Variants in AKAP7 observed in about 807,000 individuals in gnomAD.
The protein encoded by AKAP7 is A-kinase anchoring protein 7.
In AKAP7, 39 loss-of-function variants were observed where a neutral mutation model predicts 39.5. The ratio of observed to expected loss-of-function variants is 0.99; its 90% CI spans 0.76 to 1.29. The LOEUF is 1.29. Ranked by LOEUF, AKAP7 falls within the 50% of genes most tolerant of loss-of-function variation. The pLI is 0.00. For missense variants in AKAP7, 414 were observed against 407.7 expected (o/e 1.02, Z -0.13); for synonymous variants, 140 against 139.1 (o/e 1.01, Z -0.05).
chr6:131,167,379 T>C (rs975353667), intron 4 of AKAP7, among the ~76,000 whole-genome samples: 2 of 152,152 alleles, frequency 1.3e-5, no homozygotes, highest in Non-Finnish European at 2.9e-5. Context: ...AATAACGACA[T>C]AGAATTCACT....
chr6:131,195,093 G>A (rs1806794679), intron 5 of AKAP7, among the ~76,000 whole-genome samples: 1 of 151,860 alleles, frequency 6.6e-6, no homozygotes, highest in Non-Finnish European at 1.5e-5. Flanking sequence ...TTTTCTGTTT[G>A]TTTTGTGGTC....
At chr6:131,276,116 A>G (rs999025299) in intron 7 of AKAP7, among the ~76,000 whole-genome samples, 5 of 152,242 alleles carry the variant, frequency 3.3e-5, no homozygotes, top group Non-Finnish European at 5.9e-5. Flanking sequence ...CCTTTTGTAC[A>G]TACAGCAACA....
At chr6:131,244,528 C>A (rs1262329710) in intron 7 of AKAP7, among the ~76,000 whole-genome samples, 1 of 152,204 alleles carries the variant, frequency 6.6e-6, no homozygotes, top group African/African-American at 2.4e-5. Context: ...TGTGTGTCCT[C>A]TAAGCAGGGA....
At chr6:131,170,341 T>G (rs959513644) in intron 5 of AKAP7, among the ~76,000 whole-genome samples, 2 of 149,746 alleles carry the variant, frequency 1.3e-5, no homozygotes, top group African/African-American at 4.9e-5. Context: ...TCTATAGGAA[T>G]GAATAGAGCA....
rs1815253415 is a variant in AKAP7 at position 131,282,179 on chromosome 6, TTA to T, written c.*454_*455del. 1 of 1,259,502 alleles carries T rather than the reference TTA, an allele frequency of 7.9e-7. No individual in the cohort carries two copies. Among genetic ancestry groups the T allele is most frequent in the African/African-American group, 1.5e-5 (1 of 65,338 alleles). 78.0% of individuals were successfully genotyped at this position (1,259,502 alleles called of 1,614,324 possible). A position where few individuals can be genotyped will look rare whatever the true frequency, so the allele number is the denominator to read the frequency against. On this transcript the variant is annotated 3_prime_UTR_variant, in exon 8 of 8. Coordinates refer to ENST00000431975, the MANE Select transcript of AKAP7 (RefSeq NM_016377.4). ...ACTGTTGGAATTGTCATCTGTACAA[TTA>T]GTCCATAATGTTTCATGTTTGTCCT... is the stretch of plus-strand genomic sequence containing the variant.
At chr6:131,140,266 ATT>A (rs11350684) in intron 1 of AKAP7, among the ~76,000 whole-genome samples, 448 of 149,538 alleles carry the variant, frequency 3.0e-3, no homozygotes, top group African/African-American at 6.7e-3. Context: ...CGTTCTAGTG[ATT>A]TTTTTTTTTT....
intron 7 of AKAP7, among the ~76,000 whole-genome samples, chr6:131,236,052 TC>T (rs1396834923): frequency 6.6e-6 from 1 of 152,242 alleles, no homozygotes; most frequent in Non-Finnish European, 1.5e-5. Context: ...AACATTTAAG[TC>T]TTTAATCCAA....
rs76788261 is a variant in AKAP7, at chr6:131,144,609, T to A, written c.20-676T>A. ...AACTTTATCAATTTAAACATACACCTTCTTTCTCTTACCTCCACCCAAGGT... is the reference window on the plus strand; with the variant it reads ...AACTTTATCAATTTAAACATACACCATCTTTCTCTTACCTCCACCCAAGGT... On this transcript the variant is annotated intron_variant, in intron 1 of 7. Coordinates refer to ENST00000431975, the MANE Select transcript of AKAP7 (RefSeq NM_016377.4). Among the ~76,000 whole-genome samples, 62 of 152,320 alleles carry A rather than the reference T, an allele frequency of 4.1e-4. No individual in the cohort carries two copies. In the East Asian group the frequency reaches 0.012, roughly 28 times the overall value.
At chr6:131,263,274 C>T (rs1297633197) in intron 7 of AKAP7, among the ~76,000 whole-genome samples, 1 of 152,180 alleles carries the variant, frequency 6.6e-6, no homozygotes, top group African/African-American at 2.4e-5. Context: ...TGTTCTCAGC[C>T]TCTTAGGTTC....
chr6:131,180,740 C>T (rs142717220), intron 5 of AKAP7, among the ~76,000 whole-genome samples: 11 of 152,134 alleles, frequency 7.2e-5, no homozygotes, highest in South Asian at 4.1e-4. Context: ...CTGAATCTAA[C>T]GAATGCTCTA....
chr6:131,223,426 G>A (rs562853371), intron 7 of AKAP7, among the ~76,000 whole-genome samples: 3 of 152,256 alleles, frequency 2.0e-5, no homozygotes, highest in African/African-American at 7.2e-5. Context: ...CATCTTCAGA[G>A]GTCCTCATTT....
intron 7 of AKAP7, among the ~76,000 whole-genome samples, chr6:131,226,514 G>A (rs1008617740): frequency 6.6e-6 from 1 of 152,174 alleles, no homozygotes. Flanking sequence ...TGAAAACCAG[G>A]AATGAAATAT....
chr6:131,159,217 C>G (rs1802706507), intron 2 of AKAP7, among the ~76,000 whole-genome samples: 1 of 152,126 alleles, frequency 6.6e-6, no homozygotes, highest in South Asian at 2.1e-4. Context: ...CCTCAGCCTC[C>G]TGAGGAGCTG....
chr6:131,223,954 G>A (rs1443295768), intron 7 of AKAP7, among the ~76,000 whole-genome samples: 1 of 152,000 alleles, frequency 6.6e-6, no homozygotes, highest in African/African-American at 2.4e-5. Context: ...CTTATGTGAG[G>A]TAGTTTCTCC....
chr6:131,244,822 G>C (rs9492880), intron 7 of AKAP7, among the ~76,000 whole-genome samples: 1 of 151,750 alleles, frequency 6.6e-6, no homozygotes, highest in African/African-American at 2.4e-5. Flanking sequence ...TGCTTTTATG[G>C]CTTCTGTTTT....
intron 7 of AKAP7, among the ~76,000 whole-genome samples, chr6:131,235,654 G>T (rs966267303): frequency 6.6e-5 from 10 of 152,148 alleles, no homozygotes; most frequent in African/African-American, 2.4e-4. Flanking sequence ...TTTCTCTGAT[G>T]GCCAGTGATG....
chr6:131,236,560 T>C (rs1344136672), intron 7 of AKAP7, among the ~76,000 whole-genome samples: 1 of 152,234 alleles, frequency 6.6e-6, no homozygotes, highest in African/African-American at 2.4e-5. Context: ...TTCCATTTGT[T>C]TGTATCCTCT....
chr6:131,127,421 T>C, the AKAP7 span, among the ~76,000 whole-genome samples: 1 of 151,968 alleles, frequency 6.6e-6, no homozygotes, highest in Admixed American at 6.6e-5. Flanking sequence ...CCCTATCTCA[T>C]AAGATACAAC....
intron 2 of AKAP7, among the ~76,000 whole-genome samples, chr6:131,147,259 G>A (rs1801556064): frequency 6.6e-6 from 1 of 152,174 alleles, no homozygotes; most frequent in Admixed American, 6.5e-5. Context: ...TAATTCTGAT[G>A]CTCAGCCAGT....
Sources: gnomAD v4.1 joint callset for allele counts (sites outside exome capture counted in the v4.1 genomes callset) on GRCh38, gnomAD v4.1.1 for gene constraint, MANE v1.5 for transcripts, NCBI Gene and HGNC (gene_info 2026-07-23, HGNC 2026-07-21) for gene names.